UGGT2: variants seen among roughly 807,000 people sequenced by gnomAD.
UGGT2 encodes UDP-glucose glycoprotein glucosyltransferase 2, also known as UDP-glucose:glycoprotein glucosyltransferase 2.
Under a neutral mutation model 192.1 loss-of-function variants are expected in UGGT2, and 180 were observed. The ratio of observed to expected loss-of-function variants is 0.94; its 90% CI spans 0.83 to 1.06. The LOEUF is 1.06. Among genes scored for constraint, UGGT2 ranks in the 50% least tolerant of loss-of-function variants. The pLI is 0.00. For synonymous variants in UGGT2, 580 were observed against 591.0 expected (o/e 0.98, Z 0.27); for missense variants, 1,849 against 1,795.7 (o/e 1.03, Z -0.54).
chr13:96,003,922 A>G (rs887016554), intron 5 of UGGT2, among the ~76,000 whole-genome samples: 1 of 152,214 alleles, frequency 6.6e-6, no homozygotes, highest in African/African-American at 2.4e-5. Flanking sequence ...CATCTAATAA[A>G]TGTGCATGGA....
chr13:95,972,657 T>A lies in UGGT2; in HGVS notation c.1107A>T (p.Arg369Ser). Residue 369 changes from arginine to serine, a missense_variant, in exon 11 of 39, where the codon AGA (arginine) becomes AGT (serine). Physicochemically the swap from Arg to Ser is moderately radical, Grantham distance 110. Transcript: ENST00000376747. ...GAGCATCGCCTGGCTGAATTTTAAA[T>A]CTAACTTGAAGATCCTTGAAGTAGA... ...IKENQKDLQV[R>S]FKIQPGDARL... 1 of 1,613,734 alleles carries A rather than the reference T, an allele frequency of 6.2e-7. No individual in the cohort carries two copies. The highest frequency in any genetic ancestry group is 8.5e-7 in the Non-Finnish European group (1 of 1,179,764).
chr13:95,912,707 T>C (rs556494141), intron 20 of UGGT2, among the ~76,000 whole-genome samples: 2 of 152,220 alleles, frequency 1.3e-5, no homozygotes, highest in South Asian at 4.1e-4. Flanking sequence ...AAGCTACCAA[T>C]GACTTTCTTC....
chr13:95,816,682 T>C lies in UGGT2; in HGVS notation c.4529-14870A>G, dbSNP rs545684567. On this transcript the variant is annotated intron_variant, in intron 38 of 38. Transcript: ENST00000376747. ...TGGCACTGGAGGAAAGGCACAACTG[T>C]TACAACAGAAAGCAGCTTAGTGATT... Among the ~76,000 whole-genome samples, 97 of 152,172 alleles carry C rather than the reference T, an allele frequency of 6.4e-4. 1 individual carries two copies. Among genetic ancestry groups the C allele is most frequent in the Non-Finnish European group, 1.1e-3 (74 of 68,040 alleles).
chr13:96,015,678 G>C (rs2052313969), intron 4 of UGGT2, among the ~76,000 whole-genome samples: 1 of 152,160 alleles, frequency 6.6e-6, no homozygotes, highest in South Asian at 2.1e-4. Context: ...TAGAAGTAGA[G>C]TATAAAACTT....
chr13:95,931,835 C>T (rs1015474990), intron 17 of UGGT2, among the ~76,000 whole-genome samples: 2 of 152,254 alleles, frequency 1.3e-5, no homozygotes, highest in Admixed American at 6.5e-5. Context: ...CACCTCCCCG[C>T]AAGCAGAGGG....
At chr13:96,028,555 G>A (rs1440731070) in intron 2 of UGGT2, among the ~76,000 whole-genome samples, 1 of 152,190 alleles carries the variant, frequency 6.6e-6, no homozygotes, top group Non-Finnish European at 1.5e-5. Context: ...CAATAAATAT[G>A]TAAGTCTGGC....
At chr13:95,855,278 CCT>C (rs1354448911) in intron 34 of UGGT2, among the ~76,000 whole-genome samples, 1 of 151,750 alleles carries the variant, frequency 6.6e-6, no homozygotes, top group African/African-American at 2.4e-5. Context: ...AGAGTGAGAC[CCT>C]GTCTCTTAAA....
intron 8 of UGGT2, among the ~76,000 whole-genome samples, chr13:95,988,250 C>T (rs2051351732): frequency 6.6e-6 from 1 of 152,054 alleles, no homozygotes; most frequent in Non-Finnish European, 1.5e-5. Flanking sequence ...TTTGTGTGTG[C>T]CAACATTTTC....
chr13:95,945,607 G>A (rs773673300), intron 15 of UGGT2, among the ~76,000 whole-genome samples: 1 of 151,962 alleles, frequency 6.6e-6, no homozygotes, highest in Non-Finnish European at 1.5e-5. Context: ...AGATAACTTA[G>A]GTAAAGATAA....
At chr13:95,809,877 T>A (rs1014563968) in intron 38 of UGGT2, among the ~76,000 whole-genome samples, 35 of 152,364 alleles carry the variant, frequency 2.3e-4, no homozygotes, top group South Asian at 8.3e-4. Context: ...CTTTTCTTTT[T>A]CTTGAATTAT....
At chr13:95,864,789 C>G (rs537140224) in intron 30 of UGGT2, among the ~76,000 whole-genome samples, 3 of 152,142 alleles carry the variant, frequency 2.0e-5, no homozygotes, top group Non-Finnish European at 4.4e-5. Context: ...TTAGTTTCAC[C>G]ATTTCTTGAA....
intron 38 of UGGT2, among the ~76,000 whole-genome samples, chr13:95,819,971 T>C (rs9561963): frequency 0.35 from 53,784 of 151,946 alleles, 9,940 homozygotes; most frequent in Non-Finnish European, 0.41. Flanking sequence ...CAGCTTGACC[T>C]ACATGGCAAA....
At chr13:96,025,650 G>C (rs995823541) in intron 2 of UGGT2, among the ~76,000 whole-genome samples, 4 of 152,080 alleles carry the variant, frequency 2.6e-5, no homozygotes, top group African/African-American at 9.7e-5. Context: ...GTCTTATGTT[G>C]TCCATCTGAT....
chr13:95,885,618 G>T (rs1191275936), intron 26 of UGGT2, among the ~76,000 whole-genome samples: 1 of 152,166 alleles, frequency 6.6e-6, no homozygotes, highest in East Asian at 1.9e-4. Flanking sequence ...CTCACTCCAG[G>T]AGAACTTTCA....
intron 12 of UGGT2, among the ~76,000 whole-genome samples, chr13:95,963,012 G>T (rs1013510350): frequency 2.0e-5 from 3 of 152,122 alleles, no homozygotes; most frequent in African/African-American, 7.2e-5. Context: ...TCACTATCAT[G>T]AGAACAGCAT....
At chr13:95,900,722 C>A in intron 22 of UGGT2, 85 bp downstream of exon 22, 1 of 1,418,722 alleles carries the variant, frequency 7.0e-7, no homozygotes, top group South Asian at 1.5e-5. Flanking sequence ...GTGTCAGTCA[C>A]ATCAGGGGAA....
rs148678703 is a variant in UGGT2 at position 95,980,897 on chromosome 13, C to A, written c.1092+2907G>T. Among the ~76,000 whole-genome samples, 490 of 152,236 alleles carry A rather than the reference C, an allele frequency of 3.2e-3. 3 individuals are homozygous for A. The highest frequency in any genetic ancestry group is 0.011 in the African/African-American group (474 of 41,548). On this transcript the variant is annotated intron_variant, in intron 10 of 38. Coordinates refer to ENST00000376747, the MANE Select transcript of UGGT2 (RefSeq NM_020121.4). ...CTGTAATCCCAGCTACCCAAGGAGGCTGAGGCAGGAGAATTGCTGGAACCC... is the reference window on the plus strand; with the variant it reads ...CTGTAATCCCAGCTACCCAAGGAGGATGAGGCAGGAGAATTGCTGGAACCC...
intron 5 of UGGT2, among the ~76,000 whole-genome samples, chr13:96,001,637 A>T (rs984554134): frequency 2.0e-5 from 3 of 152,214 alleles, no homozygotes; most frequent in Non-Finnish European, 2.9e-5. Context: ...GAGAACATTT[A>T]AAAAAGACAA....
chr13:95,831,941 G>A (rs1319463882), intron 38 of UGGT2, among the ~76,000 whole-genome samples: 1 of 150,272 alleles, frequency 6.7e-6, no homozygotes, highest in East Asian at 1.9e-4. Context: ...ATTTTCTTAT[G>A]AATTGAAATA....
Sources: gnomAD v4.1 joint callset for allele counts (sites outside exome capture counted in the v4.1 genomes callset) on GRCh38, gnomAD v4.1.1 for gene constraint, MANE v1.5 for transcripts, NCBI Gene and HGNC (gene_info 2026-07-23, HGNC 2026-07-21) for gene names.